ZMAT4: variants seen among roughly 807,000 people sequenced by gnomAD.
The protein encoded by ZMAT4 is zinc finger matrin-type 4, also known as zinc finger matrin-type protein 4.
Under a neutral mutation model 28.7 loss-of-function variants are expected in ZMAT4, and 17 were observed. The observed-to-expected ratio is 0.59, with a 90% CI of 0.41 to 0.89. The LOEUF (loss-of-function observed/expected upper bound fraction) is 0.89, where lower values mean the gene tolerates loss of function less well. Ranked by LOEUF, ZMAT4 falls within the 40% of genes least tolerant of loss-of-function variation. The pLI, the probability that ZMAT4 is intolerant of heterozygous loss-of-function variation, is 0.00. For synonymous variants in ZMAT4, 117 were observed against 109.2 expected (o/e 1.07, Z -0.44); for missense variants, 240 against 283.8 (o/e 0.85, Z 1.11).
chr8:40,879,822 A>G (rs767430898), intron 1 of ZMAT4, among the ~76,000 whole-genome samples: 4 of 152,192 alleles, frequency 2.6e-5, no homozygotes, highest in Non-Finnish European at 5.9e-5. Context: ...CAGTTTGAAG[A>G]TATTTCACTT....
chr8:40,671,350 CA>C (rs925263233), intron 5 of ZMAT4, among the ~76,000 whole-genome samples: 5 of 151,110 alleles, frequency 3.3e-5, no homozygotes, highest in African/African-American at 1.2e-4. Flanking sequence ...ATATGTTGAC[CA>C]AAAAAAAGTC....
At chr8:40,709,827 C>G (rs923802182) in intron 3 of ZMAT4, among the ~76,000 whole-genome samples, 1 of 151,948 alleles carries the variant, frequency 6.6e-6, no homozygotes, top group Non-Finnish European at 1.5e-5. Context: ...TCACGAGGTC[C>G]GGAGTTTGAG....
chr8:40,565,951 A>G (rs1300864201), intron 6 of ZMAT4, among the ~76,000 whole-genome samples: 1 of 152,058 alleles, frequency 6.6e-6, no homozygotes, highest in Non-Finnish European at 1.5e-5. Flanking sequence ...CAATGAGTTC[A>G]AGAATTTGGG....
intron 3 of ZMAT4, among the ~76,000 whole-genome samples, chr8:40,709,980 G>A (rs1286867100): frequency 2.0e-5 from 3 of 150,716 alleles, no homozygotes; most frequent in Non-Finnish European, 4.4e-5. Context: ...GGAGGTGGCA[G>A]TGAGCCGAGA....
chr8:40,829,455 C>G (rs1181485920), intron 1 of ZMAT4, among the ~76,000 whole-genome samples: 1 of 152,164 alleles, frequency 6.6e-6, no homozygotes, highest in Non-Finnish European at 1.5e-5. Flanking sequence ...TGAGTTCCTA[C>G]AGATCCATGT....
At chr8:40,756,426 T>TTATATATATATATATATATA (rs72008675) in intron 3 of ZMAT4, among the ~76,000 whole-genome samples, 2,243 of 72,386 alleles carry the variant, frequency 0.031, 152 homozygotes, top group Non-Finnish European at 0.036. Flanking sequence ...AAATGTTCTT[T>TTATATATATATATATATATA]TATATATATA....
chr8:40,772,273 A>T (rs1280457673), intron 2 of ZMAT4, among the ~76,000 whole-genome samples: 1 of 152,220 alleles, frequency 6.6e-6, no homozygotes, highest in East Asian at 1.9e-4. Context: ...CTATCTGAAG[A>T]TTAGTTTCTT....
chr8:40,709,129 C>CTACAGGAGGATGTAGA (rs1810493315), intron 3 of ZMAT4, among the ~76,000 whole-genome samples: 1 of 152,162 alleles, frequency 6.6e-6, no homozygotes, highest in African/African-American at 2.4e-5. Flanking sequence ...CTACATGCAT[C>CTACAGGAGGATGTAGA]CTCCTGTAGA....
At chr8:40,590,511 T>A (rs1446580308) in intron 5 of ZMAT4, among the ~76,000 whole-genome samples, 1 of 152,060 alleles carries the variant, frequency 6.6e-6, no homozygotes, top group Non-Finnish European at 1.5e-5. Context: ...GTGTTCTCAT[T>A]GGAATATGCA....
intron 1 of ZMAT4, among the ~76,000 whole-genome samples, chr8:40,893,419 G>A (rs1818761978): frequency 6.6e-6 from 1 of 152,170 alleles, no homozygotes; most frequent in East Asian, 1.9e-4. Context: ...GTCAGAAAAG[G>A]CACATAAGCA....
At chr8:40,771,735 C>T (rs1460506573) in intron 2 of ZMAT4, among the ~76,000 whole-genome samples, 2 of 152,200 alleles carry the variant, frequency 1.3e-5, no homozygotes, top group Non-Finnish European at 2.9e-5. Flanking sequence ...GTGTCACTTT[C>T]ACTTTCTGTG....
intron 2 of ZMAT4, among the ~76,000 whole-genome samples, chr8:40,801,412 A>G (rs1814842517): frequency 6.7e-6 from 1 of 148,930 alleles, no homozygotes; most frequent in African/African-American, 2.5e-5. Context: ...TCACGCCTGT[A>G]ATCCCAGCAC....
intron 6 of ZMAT4, among the ~76,000 whole-genome samples, chr8:40,569,875 C>T (rs1488570990): frequency 6.6e-6 from 1 of 152,102 alleles, no homozygotes; most frequent in African/African-American, 2.4e-5. Context: ...TTACAGACAA[C>T]CTTCTGCCAG....
chr8:40,650,392 T>C (rs1807580215), intron 5 of ZMAT4, among the ~76,000 whole-genome samples: 1 of 136,310 alleles, frequency 7.3e-6, no homozygotes, highest in Middle Eastern at 3.4e-3. Flanking sequence ...GTTGAATCTC[T>C]GAATAGACCA....
At chr8:40,703,549 A>C (rs1810233596) in intron 3 of ZMAT4, among the ~76,000 whole-genome samples, 2 of 152,162 alleles carry the variant, frequency 1.3e-5, no homozygotes, top group Admixed American at 6.5e-5. Flanking sequence ...ACAGAGAGTG[A>C]ATTAGTGATT....
intron 5 of ZMAT4, among the ~76,000 whole-genome samples, chr8:40,630,604 T>A (rs896830140): frequency 6.6e-6 from 1 of 152,188 alleles, no homozygotes; most frequent in African/African-American, 2.4e-5. Flanking sequence ...GGAATACAAG[T>A]GGTATATGTA....
At chr8:40,630,049 C>A (rs1213531671) in intron 5 of ZMAT4, among the ~76,000 whole-genome samples, 1 of 152,000 alleles carries the variant, frequency 6.6e-6, no homozygotes, top group Non-Finnish European at 1.5e-5. Flanking sequence ...ACTTTCAATC[C>A]CTATTCAGTA....
At chr8:40,613,318 G>A (rs1382662165) in intron 5 of ZMAT4, among the ~76,000 whole-genome samples, 1 of 150,994 alleles carries the variant, frequency 6.6e-6, no homozygotes, top group African/African-American at 2.4e-5. Flanking sequence ...GAGTAGCTGG[G>A]ATTACAGGTG....
At chr8:40,650,943 A>T (rs1807613882) in intron 5 of ZMAT4, among the ~76,000 whole-genome samples, 1 of 151,614 alleles carries the variant, frequency 6.6e-6, no homozygotes, top group East Asian at 2.0e-4. Flanking sequence ...AATAAGAGCT[A>T]TCTATGACAA....
Sources: allele counts gnomAD v4.1 joint callset (sites outside exome capture counted in the v4.1 genomes callset), GRCh38; gene constraint gnomAD v4.1.1; transcripts MANE v1.5; gene names NCBI Gene and HGNC (gene_info 2026-07-23, HGNC 2026-07-21).